GLB1: variants seen among roughly 807,000 people sequenced by gnomAD.
GLB1 encodes beta-galactosidase.
GLB1 carries 56 observed loss-of-function variants against 74.0 expected under a neutral mutation model. The ratio of observed to expected loss-of-function variants is 0.76; its 90% confidence interval spans 0.61 to 0.94. The LOEUF is 0.94. Among genes scored for constraint, GLB1 ranks in the 40% least tolerant of loss-of-function variants. The pLI, the probability that GLB1 is intolerant of heterozygous loss-of-function variation, is 0.00. For missense variants in GLB1, 787 were observed against 845.5 expected (o/e 0.93, Z 0.86); for synonymous variants, 323 against 323.6 (o/e 1.00, Z 0.02).
At chr3:32,964,522 C>A in the GLB1 span, among the ~76,000 whole-genome samples, 3 of 152,274 alleles carry the variant, frequency 2.0e-5, no homozygotes, top group Middle Eastern at 3.4e-3. Context: ...GTAAAAAGTT[C>A]ACAGTTTGGG....
rs74625501 is a variant in GLB1 at position 33,009,528 on chromosome 3, TA to T, written c.1734+4527del. ...CAAGAGCAAGACTGTCTCAAAAAAATAAAAAAAAAGATTTAAGAGCAAGGTT... is the reference window on the plus strand; with the variant it reads ...CAAGAGCAAGACTGTCTCAAAAAAATAAAAAAAAGATTTAAGAGCAAGGTT... On this transcript the variant is annotated intron_variant, in intron 15 of 15. Coordinates refer to ENST00000307363, the MANE Select transcript of GLB1 (RefSeq NM_000404.4). 0.022 allele frequency among the ~76,000 whole-genome samples: 3,374 copies of T among 150,600 alleles called. 527 individuals carry two copies. The East Asian group carries it at 0.42, about 19-fold the overall frequency.
At position 33,092,839 on chromosome 3, in the gene GLB1, G is replaced by A. The variant is rs1056984298; in HGVS notation, c.75+4172C>T. The A allele has an allele frequency of 1.3e-6, 2 of 1,598,812 alleles. No individual in the cohort carries two copies. The highest frequency in any genetic ancestry group is 2.7e-5 in the African/African-American group (2 of 74,800). ...GTGCACAGGGCAGGGCCAGTTCAGGGAGACCGCTGCAGGATGAGCTCTGTG... is the reference window on the plus strand; with the variant it reads ...GTGCACAGGGCAGGGCCAGTTCAGGAAGACCGCTGCAGGATGAGCTCTGTG... On this transcript the variant is annotated intron_variant, in intron 1 of 15. Transcript: ENST00000307363.
intron 5 of GLB1, among the ~76,000 whole-genome samples, chr3:33,061,095 G>C (rs935253792): frequency 1.2e-4 from 19 of 152,318 alleles, no homozygotes; most frequent in African/African-American, 4.3e-4. Context: ...TGTTTCTAGA[G>C]CAGGAGTCAA....
intron 10 of GLB1, among the ~76,000 whole-genome samples, chr3:33,025,072 A>G (rs1697680799): frequency 1.3e-5 from 2 of 152,002 alleles, no homozygotes; most frequent in Admixed American, 1.3e-4. Context: ...CAGCCTCCCG[A>G]GTAGCTGGGA....
At chr3:33,096,775 G>T (rs1489882546) in intron 1 of GLB1, 39 of 1,327,582 alleles carry the variant, frequency 2.9e-5, no homozygotes, top group Non-Finnish European at 3.5e-5. Flanking sequence ...AAGGGCGGCC[G>T]GAGCGGAACG....
intron 1 of GLB1, chr3:33,092,939 C>G: frequency 1.9e-6 from 3 of 1,614,190 alleles, no homozygotes; most frequent in Non-Finnish European, 2.5e-6. Flanking sequence ...CGAATGTAGC[C>G]TGGGCCACCT....
intron 1 of GLB1, among the ~76,000 whole-genome samples, chr3:33,074,359 A>C (rs1283889937): frequency 8.7e-6 from 1 of 115,220 alleles, no homozygotes; most frequent in Non-Finnish European, 1.9e-5. Context: ...GAAGGAAGGA[A>C]GGAAGGAAGG....
At chr3:32,999,309 T>C (rs542979232) in intron 15 of GLB1, among the ~76,000 whole-genome samples, 31 of 152,230 alleles carry the variant, frequency 2.0e-4, no homozygotes, top group Admixed American at 5.9e-4. Context: ...GTTTTTGCAG[T>C]ATTAGAGAAC....
At chr3:33,004,086 G>A (rs536270569) in intron 15 of GLB1, among the ~76,000 whole-genome samples, 52 of 152,210 alleles carry the variant, frequency 3.4e-4, no homozygotes, top group African/African-American at 1.1e-3. Flanking sequence ...CTGGTCTAGT[G>A]ACATATTTTG....
chr3:33,082,650 C>T (rs1196695293), intron 1 of GLB1, among the ~76,000 whole-genome samples: 1 of 152,146 alleles, frequency 6.6e-6, no homozygotes, highest in Non-Finnish European at 1.5e-5. Flanking sequence ...ATTTGGTTTG[C>T]GATTAATGTT....
intron 1 of GLB1, among the ~76,000 whole-genome samples, chr3:33,095,887 C>T (rs954683217): frequency 6.6e-6 from 1 of 152,206 alleles, no homozygotes; most frequent in African/African-American, 2.4e-5. Flanking sequence ...TGTCTACATA[C>T]TGGGGTAGGG....
chr3:33,028,742 T>G (rs1369984225), intron 10 of GLB1, among the ~76,000 whole-genome samples: 2 of 151,896 alleles, frequency 1.3e-5, no homozygotes, highest in East Asian at 3.9e-4. Flanking sequence ...CTCGGCTCAC[T>G]GCAACCTCCA....
chr3:32,992,746 C>T (rs558687178), downstream of GLB1, among the ~76,000 whole-genome samples: 6 of 152,172 alleles, frequency 3.9e-5, no homozygotes, highest in Non-Finnish European at 7.3e-5. Context: ...CCTGCTCACA[C>T]GTGGGAAAGC....
intron 5 of GLB1, among the ~76,000 whole-genome samples, chr3:33,060,648 GTA>G (rs1272041044): frequency 4.0e-5 from 6 of 151,886 alleles, no homozygotes; most frequent in Non-Finnish European, 7.4e-5. Flanking sequence ...TATCATCATT[GTA>G]TCATATACTC....
At chr3:33,096,509 G>GC in intron 1 of GLB1, 2 of 985,280 alleles carry the variant, frequency 2.0e-6, no homozygotes, top group Non-Finnish European at 2.4e-6. Context: ...GGAACAAGAT[G>GC]CACGAAGAGG....
chr3:32,974,996 A>G, the GLB1 span, among the ~76,000 whole-genome samples: 1 of 152,206 alleles, frequency 6.6e-6, no homozygotes, highest in South Asian at 2.1e-4. Flanking sequence ...TCCCTGCTGG[A>G]GTCTAGCCCT....
At chr3:32,973,866 T>C in the GLB1 span, among the ~76,000 whole-genome samples, 1 of 152,102 alleles carries the variant, frequency 6.6e-6, no homozygotes, top group Non-Finnish European at 1.5e-5. Flanking sequence ...AGAAGCAAAG[T>C]GTTGAGCAAA....
At chr3:32,986,703 G>C in the GLB1 span, among the ~76,000 whole-genome samples, 1 of 151,400 alleles carries the variant, frequency 6.6e-6, no homozygotes, top group African/African-American at 2.4e-5. Flanking sequence ...TGACACTCCT[G>C]CCTCAGCCTC....
the GLB1 span, among the ~76,000 whole-genome samples, chr3:32,990,846 T>C: frequency 1.9e-3 from 293 of 151,948 alleles, no homozygotes; most frequent in African/African-American, 6.4e-3. Context: ...TGGTGGCGGG[T>C]GCCTGTAGTC....
Sources: allele counts gnomAD v4.1 joint callset (sites outside exome capture counted in the v4.1 genomes callset), GRCh38; gene constraint gnomAD v4.1.1; transcripts MANE v1.5; gene names NCBI Gene and HGNC (gene_info 2026-07-23, HGNC 2026-07-21).